The following SMC6 variants were observed in gnomAD, a reference collection of about 807,000 sequenced individuals.
The protein encoded by SMC6 is structural maintenance of chromosomes 6.
A neutral mutation model predicts 142.2 loss-of-function variants in SMC6; 79 were observed. The observed-to-expected ratio is 0.56, with a 90% CI of 0.46 to 0.67. The LOEUF (loss-of-function observed/expected upper bound fraction) is 0.67. Ranked by LOEUF, SMC6 falls within the 30% of genes least tolerant of loss-of-function variation. The pLI, the probability that SMC6 is intolerant of heterozygous loss-of-function variation, is 0.00. For missense variants in SMC6, 1,072 were observed against 1,284.0 expected (o/e 0.83, Z 2.52); for synonymous variants, 411 against 412.4 (o/e 1.00, Z 0.04).
At chr2:17,740,835 G>GA in intron 4 of SMC6, 3 of 258,796 alleles carry the variant, frequency 1.2e-5, no homozygotes, top group South Asian at 8.8e-5. Flanking sequence ...GGGCGATAGA[G>GA]GGAGACTCTG....
chr2:17,746,182 A>C, intron 2 of SMC6: 1 of 369,268 alleles, frequency 2.7e-6, no homozygotes, highest in Non-Finnish European at 4.8e-6. Flanking sequence ...CTAAAACAGA[A>C]CATAGCCCTA....
intron 3 of SMC6, among the ~76,000 whole-genome samples, chr2:17,743,757 C>G (rs1670593944): frequency 1.3e-5 from 2 of 152,310 alleles, no homozygotes; most frequent in East Asian, 1.9e-4. Flanking sequence ...CCCTCCCTTT[C>G]CTCAACCCCT....
intron 3 of SMC6, 128 bp downstream of exon 3, chr2:17,745,699 C>T: frequency 1.0e-6 from 1 of 954,654 alleles, no homozygotes. Flanking sequence ...TTACCCAGAA[C>T]AGATTTTACC....
intron 14 of SMC6, 22 bp downstream of exon 14, chr2:17,716,719 T>C: frequency 6.2e-7 from 1 of 1,601,258 alleles, no homozygotes. Flanking sequence ...AAAAAAATCA[T>C]TCTAAGGATG....
Position 17,663,984 on chromosome 2 carries a change from T to C in SMC6, c.*1515A>G, listed in dbSNP as rs1666386596. 1 of 152,202 alleles carries C rather than the reference T, an allele frequency of 6.6e-6. No homozygotes were observed. Among genetic ancestry groups the C allele is most frequent in the Non-Finnish European group, 1.5e-5 (1 of 68,034 alleles). 9.4% of individuals were successfully genotyped at this position (152,202 alleles called of 1,614,324 possible). A position where few individuals can be genotyped will look rare whatever the true frequency, so the allele number is the denominator to read the frequency against. On this transcript the variant is annotated 3_prime_UTR_variant, in exon 28 of 28. Coordinates refer to ENST00000448223, the MANE Select transcript of SMC6 (RefSeq NM_001142286.2). ...GTGAGGCCAAAGCAATGAATAATCT[T>C]CAATTCAACAAGAGATGCTGGGATA...
At chr2:17,718,655 T>A (rs1056139730) in intron 11 of SMC6, among the ~76,000 whole-genome samples, 1 of 152,202 alleles carries the variant, frequency 6.6e-6, no homozygotes, top group African/African-American at 2.4e-5. Context: ...GCTGAGATTT[T>A]AAAAATTAAT....
chr2:17,674,804 G>A (rs1407200627), intron 25 of SMC6, among the ~76,000 whole-genome samples: 1 of 151,988 alleles, frequency 6.6e-6, no homozygotes, highest in African/African-American at 2.4e-5. Flanking sequence ...CTTGCATAAA[G>A]TCTATTTTGT....
intron 21 of SMC6, among the ~76,000 whole-genome samples, chr2:17,698,722 A>G (rs1668127687): frequency 6.6e-6 from 1 of 151,968 alleles, no homozygotes; most frequent in Admixed American, 6.6e-5. Context: ...TAAGTCTGTC[A>G]TTTTATTTGT....
chr2:17,700,130 G>T, intron 21 of SMC6, 78 bp downstream of exon 21: 9 of 931,908 alleles, frequency 9.7e-6, no homozygotes, highest in South Asian at 4.7e-5. Context: ...ATTCTTTTAG[G>T]CCAATATCCA....
chr2:17,729,908 G>A (rs1669825464), intron 7 of SMC6, among the ~76,000 whole-genome samples: 1 of 152,102 alleles, frequency 6.6e-6, no homozygotes, highest in African/African-American at 2.4e-5. Context: ...CATAGATACA[G>A]GACACTTCCA....
At position 17,734,065 on chromosome 2, in the gene SMC6, A is replaced by G. The variant is rs142872699; in HGVS notation, c.345-2188T>C. Among the ~76,000 whole-genome samples the G allele has an allele frequency of 6.6e-4, 100 of 152,330 alleles. 1 individual carries two copies. Among genetic ancestry groups the G allele is most frequent in the African/African-American group, 2.3e-3 (96 of 41,578 alleles). On this transcript the variant is annotated intron_variant, in intron 5 of 27. Coordinates refer to ENST00000448223, the MANE Select transcript of SMC6 (RefSeq NM_001142286.2). ...CAGAAGTACAGCCAATTAAGTTAGG[A>G]TTGTGAGGGAGGTGCACAGAGGAGA...
At chr2:17,708,003 C>T (rs996205797) in intron 17 of SMC6, among the ~76,000 whole-genome samples, 1,523 of 44,862 alleles carry the variant, frequency 0.034, 13 homozygotes, top group African/African-American at 0.19. Context: ...TATATACACA[C>T]ACACACACAC....
At chr2:17,723,281 C>G (rs1013925866) in intron 9 of SMC6, among the ~76,000 whole-genome samples, 1 of 152,192 alleles carries the variant, frequency 6.6e-6, no homozygotes. Context: ...TTCCACATCT[C>G]TTCTCTCCTT....
At chr2:17,691,287 G>A (rs1310841997) in intron 23 of SMC6, among the ~76,000 whole-genome samples, 1 of 135,148 alleles carries the variant, frequency 7.4e-6, no homozygotes, top group African/African-American at 2.7e-5. Context: ...CTACAAAAAA[G>A]CTATAAAAAA....
chr2:17,703,643 A>G (rs1668371528), intron 18 of SMC6, among the ~76,000 whole-genome samples: 1 of 152,080 alleles, frequency 6.6e-6, no homozygotes, highest in Admixed American at 6.6e-5. Context: ...AGCTTATTCA[A>G]TGTGAAGACA....
chr2:17,705,639 A>G (rs1668472230), intron 18 of SMC6, among the ~76,000 whole-genome samples: 1 of 152,196 alleles, frequency 6.6e-6, no homozygotes, highest in Non-Finnish European at 1.5e-5. Flanking sequence ...GAAAACCAAC[A>G]AAATAAGCAA....
chr2:17,700,630 A>C (rs1348420564), intron 20 of SMC6, among the ~76,000 whole-genome samples: 2 of 152,190 alleles, frequency 1.3e-5, no homozygotes, highest in Non-Finnish European at 2.9e-5. Context: ...AAAAAGAATG[A>C]CTTTCATTCT....
Position 17,701,921 on chromosome 2 carries a change from G to T in SMC6, c.2143-12C>A. ...TTTCTTATTTTCATCTAAAAGAAAA[G>T]TATTTGGATTTTAGTAACATAAAAA... On this transcript the variant is annotated splice_polypyrimidine_tract_variant and intron_variant, in intron 19 of 27. Coordinates refer to ENST00000448223, the MANE Select transcript of SMC6 (RefSeq NM_001142286.2). The T allele has an allele frequency of 1.4e-6, 2 of 1,424,752 alleles. No homozygotes were observed. The highest frequency in any genetic ancestry group is 1.9e-6 in the Non-Finnish European group (2 of 1,036,460). 88.3% of individuals were successfully genotyped at this position (1,424,752 alleles called of 1,614,324 possible).
At chr2:17,702,013 A>C (rs1668292934) in intron 19 of SMC6, 104 bp from the exon 20 acceptor site, 1 of 631,160 alleles carries the variant, frequency 1.6e-6, no homozygotes, top group South Asian at 2.1e-5. Flanking sequence ...ATGATACAGA[A>C]GGATTCCATA....
Sources: gnomAD v4.1 joint callset for allele counts (sites outside exome capture counted in the v4.1 genomes callset) on GRCh38, gnomAD v4.1.1 for gene constraint, MANE v1.5 for transcripts, NCBI Gene and HGNC (gene_info 2026-07-23, HGNC 2026-07-21) for gene names.